XPNPEP1: variants seen among roughly 807,000 people sequenced by gnomAD.
The protein encoded by XPNPEP1 is xaa-Pro aminopeptidase 1.
Under a neutral mutation model 92.4 loss-of-function variants are expected in XPNPEP1, and 39 were observed. That is an observed-to-expected ratio of 0.42 (90% CI 0.33 to 0.55). XPNPEP1 has a LOEUF of 0.55. XPNPEP1 is among the 20% of genes least tolerant of loss of function. XPNPEP1 has a pLI of 0.08. For synonymous variants in XPNPEP1, 307 were observed against 299.4 expected, an observed-to-expected ratio of 1.03 and a Z score of -0.26; for missense variants, 654 against 856.1, an observed-to-expected ratio of 0.76 and a Z score of 2.95.
chr10:109,906,284 T>C (rs1157040656), intron 3 of XPNPEP1, among the ~76,000 whole-genome samples: 1 of 152,218 alleles, frequency 6.6e-6, no homozygotes, highest in Non-Finnish European at 1.5e-5. Context: ...GTTCTCATCC[T>C]GGACTTTGAA....
In XPNPEP1 at chr10:109,907,754, C is replaced by A. The variant is rs1564787536; in HGVS notation, c.183G>T (p.Arg61Ser). Residue 61 changes from arginine to serine, a missense_variant, in exon 3 of 21, where the codon AGG (arginine) becomes AGT (serine). Transcript: ENST00000502935. ...ELLRQLRQAM[R>S]NSEYVTEPIQ... ...TCGGTTCGGTCACATACTCAGAGTTCCTCATGGCTTGTCTCAGCTGCCGAA... is the reference window on the plus strand; with the variant it reads ...TCGGTTCGGTCACATACTCAGAGTTACTCATGGCTTGTCTCAGCTGCCGAA... 4 of 1,614,242 alleles carry A rather than the reference C, an allele frequency of 2.5e-6. No individual in the cohort carries two copies. The highest frequency in any genetic ancestry group is 3.4e-6 in the Non-Finnish European group (4 of 1,180,046).
Position 109,886,268 on chromosome 10 carries a change from G to A in XPNPEP1, c.726C>T (p.Val242=), listed in dbSNP as rs1311893893. ...CACACGCAATCTCATCCAAGGCAGT[G>A]ACCACAAACCACATGACGTTCCTCT... is the stretch of plus-strand genomic sequence containing the variant. The part of the protein sequence containing the change: ...MAERNVMWFV[V]TALDEIAWLF... The change falls in exon 8 of 21, where the codon GTC becomes GTT. Residue 242 remains valine (V), a synonymous_variant. Coordinates refer to ENST00000502935, the MANE Select transcript of XPNPEP1 (RefSeq NM_020383.4). 2 of 1,614,182 alleles carry A rather than the reference G, an allele frequency of 1.2e-6. No homozygotes were observed. The highest frequency in any genetic ancestry group is 1.1e-5 in the South Asian group (1 of 91,070).
intron 16 of XPNPEP1, among the ~76,000 whole-genome samples, chr10:109,872,449 C>T (rs113959583): frequency 2.8e-4 from 42 of 152,198 alleles, no homozygotes; most frequent in African/African-American, 1.0e-3. Context: ...TAGCAGCTTG[C>T]CAGTAAGGTG....
chr10:109,912,348 G>A (rs143059996), intron 2 of XPNPEP1, among the ~76,000 whole-genome samples: 2 of 152,326 alleles, frequency 1.3e-5, no homozygotes, highest in African/African-American at 4.8e-5. Flanking sequence ...TTAGGATGTG[G>A]TAAGGGGCAG....
intron 9 of XPNPEP1, among the ~76,000 whole-genome samples, chr10:109,883,509 C>T (rs1589571505): frequency 6.6e-6 from 1 of 152,130 alleles, no homozygotes; most frequent in Non-Finnish European, 1.5e-5. Context: ...TGCTCATCTC[C>T]CCAACTCCAG....
chr10:109,866,449 G>A (rs1444047423), intron 20 of XPNPEP1, among the ~76,000 whole-genome samples: 1 of 152,222 alleles, frequency 6.6e-6, no homozygotes, highest in Non-Finnish European at 1.5e-5. Context: ...TCCACAGCAA[G>A]GCCAGCAGGG....
chr10:109,883,309 C>T (rs550350719), intron 9 of XPNPEP1, among the ~76,000 whole-genome samples: 5 of 152,054 alleles, frequency 3.3e-5, no homozygotes, highest in Non-Finnish European at 4.4e-5. Flanking sequence ...CATGGTTCCC[C>T]GCCCCTCCTC....
intron 2 of XPNPEP1, among the ~76,000 whole-genome samples, chr10:109,910,025 A>C (rs191922384): frequency 4.6e-5 from 7 of 152,302 alleles, no homozygotes; most frequent in Non-Finnish European, 1.0e-4. Flanking sequence ...GGTTTTGAAA[A>C]ATGTGTAATG....
At chr10:109,890,585 T>TGC (rs1848646238) in intron 5 of XPNPEP1, among the ~76,000 whole-genome samples, 1 of 91,992 alleles carries the variant, frequency 1.1e-5, no homozygotes, top group Non-Finnish European at 2.1e-5. Context: ...TGTGTGTGTG[T>TGC]GTGTGTGTGA....
chr10:109,902,176 C>T (rs1286527042), intron 3 of XPNPEP1, among the ~76,000 whole-genome samples: 1 of 152,228 alleles, frequency 6.6e-6, no homozygotes, highest in Non-Finnish European at 1.5e-5. Context: ...TCATTCATCT[C>T]CACAACAGTA....
chr10:109,895,764 C>T (rs1482492354), intron 3 of XPNPEP1, among the ~76,000 whole-genome samples: 7 of 152,188 alleles, frequency 4.6e-5, no homozygotes, highest in Admixed American at 4.6e-4. Context: ...CTCAAAACCA[C>T]CCACTTCTCT....
chr10:109,918,254 C>G (rs1181909451), intron 1 of XPNPEP1, among the ~76,000 whole-genome samples: 1 of 151,836 alleles, frequency 6.6e-6, no homozygotes, highest in Non-Finnish European at 1.5e-5. Flanking sequence ...AAACCCATCT[C>G]TACAAAATTT....
rs80122826 is a variant in XPNPEP1 at position 109,893,519 on chromosome 10, C to T, written c.247-444G>A. The T allele has an allele frequency of 7.3e-3, 1,156 of 157,994 alleles. 13 individuals carry two copies. Among genetic ancestry groups the T allele is most frequent in the African/African-American group, 0.027 (1,107 of 41,646 alleles). 9.8% of individuals were successfully genotyped at this position (157,994 alleles called of 1,614,324 possible). A position where few individuals can be genotyped will look rare whatever the true frequency, so the allele number is the denominator to read the frequency against. On this transcript the variant is annotated intron_variant, in intron 3 of 20. Transcript: ENST00000502935. ...CTGTAGATACTGACTTGTTTCCAAA[C>T]TTCCTGTTTGGGTCCTCCTCTGAGG...
intron 3 of XPNPEP1, among the ~76,000 whole-genome samples, chr10:109,898,900 A>G (rs544450441): frequency 4.6e-5 from 7 of 152,338 alleles, no homozygotes; most frequent in African/African-American, 1.7e-4. Flanking sequence ...AAGCATGACT[A>G]AAGTTACTAG....
chr10:109,899,985 G>A (rs946031301), intron 3 of XPNPEP1, among the ~76,000 whole-genome samples: 1 of 152,170 alleles, frequency 6.6e-6, no homozygotes, highest in South Asian at 2.1e-4. Flanking sequence ...ACGATTCCTT[G>A]CTATAAAAGT....
chr10:109,877,584 G>A (rs545052634), intron 14 of XPNPEP1: 34 of 622,058 alleles, frequency 5.5e-5, no homozygotes, highest in South Asian at 1.0e-4. Context: ...GTGCCATACT[G>A]AGCCTAAGAA....
intron 3 of XPNPEP1, among the ~76,000 whole-genome samples, chr10:109,896,366 C>T (rs948217269): frequency 2.7e-5 from 4 of 150,040 alleles, no homozygotes; most frequent in Non-Finnish European, 5.9e-5. Context: ...GTATCCTTGA[C>T]CTGTCAGGTT....
At chr10:109,906,280 A>T (rs1436861114) in intron 3 of XPNPEP1, among the ~76,000 whole-genome samples, 1 of 152,230 alleles carries the variant, frequency 6.6e-6, no homozygotes, top group Non-Finnish European at 1.5e-5. Context: ...TCAAGTTCTC[A>T]TCCTGGACTT....
At chr10:109,917,866 T>C (rs1402570886) in intron 1 of XPNPEP1, among the ~76,000 whole-genome samples, 2 of 152,166 alleles carry the variant, frequency 1.3e-5, no homozygotes, top group African/African-American at 4.8e-5. Flanking sequence ...GAAGGAATAG[T>C]CTCTTCCACA....
Sources: allele counts gnomAD v4.1 joint callset (sites outside exome capture counted in the v4.1 genomes callset), GRCh38; gene constraint gnomAD v4.1.1; transcripts MANE v1.5; gene names NCBI Gene and HGNC (gene_info 2026-07-23, HGNC 2026-07-21).